HDAC4: variants seen among roughly 807,000 people sequenced by gnomAD.
HDAC4 encodes histone deacetylase 4.
A neutral mutation model predicts 135.1 loss-of-function variants in HDAC4; 16 were observed. That is an observed-to-expected ratio of 0.12 (90% CI 0.08 to 0.18). HDAC4 has a LOEUF of 0.18. Ranked by LOEUF, HDAC4 falls within the 10% of genes least tolerant of loss-of-function variation. The probability of loss-of-function intolerance (pLI) is 1.00; values close to 1 mark genes in which losing one functional copy is unlikely to be tolerated. For missense variants in HDAC4, 1,143 were observed against 1,511.8 expected (o/e 0.76, Z 4.05); for synonymous variants, 685 against 653.4 (o/e 1.05, Z -0.74).
chr2:239,178,943 G>A (rs746586357), intron 4 of HDAC4, among the ~76,000 whole-genome samples: 6 of 152,000 alleles, frequency 3.9e-5, no homozygotes, highest in South Asian at 4.2e-4. Flanking sequence ...GGCAGCCACC[G>A]GATGCCCGAG....
At chr2:239,377,759 G>T (rs1308191353) in intron 1 of HDAC4, among the ~76,000 whole-genome samples, 1 of 152,142 alleles carries the variant, frequency 6.6e-6, no homozygotes. Context: ...GGACCCTAGA[G>T]CACCTGCCAG....
chr2:239,354,730 G>T (rs1439856547), intron 1 of HDAC4, among the ~76,000 whole-genome samples: 1 of 151,656 alleles, frequency 6.6e-6, no homozygotes, highest in South Asian at 2.1e-4. Flanking sequence ...CATGACTGTT[G>T]TTCTGTATCT....
rs765619324 is a variant in HDAC4 at position 239,102,831 on chromosome 2, G to T, written c.2178C>A (p.Leu726=). 1 of 1,613,974 alleles carries T rather than the reference G, an allele frequency of 6.2e-7. No individual in the cohort carries two copies. ...GGTTGAGGGGGTTCGTGCCATACAG[G>T]AGGGTGTGGGCTTCCGAGTGCACCG... The part of the protein sequence containing the change: ...LQTVHSEAHT[L]LYGTNPLNRQ... The change falls in exon 16 of 27, where the codon CTC becomes CTA. Residue 726 remains leucine, a synonymous_variant. Transcript: ENST00000543185.
chr2:239,322,753 G>A (rs577483721), intron 2 of HDAC4, among the ~76,000 whole-genome samples: 36 of 152,108 alleles, frequency 2.4e-4, no homozygotes, highest in Non-Finnish European at 4.4e-4. Context: ...TCTTCATCCT[G>A]CCCGGGTGTG....
chr2:239,279,961 G>A (rs930433219), intron 2 of HDAC4, among the ~76,000 whole-genome samples: 1 of 152,148 alleles, frequency 6.6e-6, no homozygotes, highest in Non-Finnish European at 1.5e-5. Context: ...GTGGTCCACA[G>A]AAAGTGCGGA....
chr2:239,208,611 A>G (rs2046196575), intron 3 of HDAC4, among the ~76,000 whole-genome samples: 1 of 152,034 alleles, frequency 6.6e-6, no homozygotes. Context: ...AGGGAACACA[A>G]CTCCTGATCC....
At chr2:239,290,782 G>A (rs529481701) in intron 2 of HDAC4, among the ~76,000 whole-genome samples, 2 of 152,322 alleles carry the variant, frequency 1.3e-5, no homozygotes, top group South Asian at 4.1e-4. Context: ...CCCGTGTTTA[G>A]TGTGTTTCTA....
chr2:239,231,688 A>G lies in HDAC4; in HGVS notation c.94+4905T>C, dbSNP rs1323401455. Reference sequence around the variant, plus strand: ...GAGGCTGCTGAGCACCTGCTCCCGGATGCCTGAGGTAGGCGTCCTCCCCAA... The same window carrying G: ...GAGGCTGCTGAGCACCTGCTCCCGGGTGCCTGAGGTAGGCGTCCTCCCCAA... On this transcript the variant is annotated intron_variant, in intron 3 of 26. Coordinates refer to ENST00000543185, the MANE Select transcript of HDAC4 (RefSeq NM_001378414.1). 4.1e-5 allele frequency among the ~76,000 whole-genome samples: 2 copies of G among 48,708 alleles called. 1 individual carries two copies. Among genetic ancestry groups the G allele is most frequent in the African/African-American group, 1.3e-4 (2 of 15,310 alleles). The allele number at this position is 48,708 out of a possible 152,430, so 32.0% of individuals were successfully genotyped here.
chr2:239,258,013 T>C (rs1052652493), intron 2 of HDAC4, among the ~76,000 whole-genome samples: 2 of 152,134 alleles, frequency 1.3e-5, no homozygotes, highest in African/African-American at 2.4e-5. Context: ...ATAAAAGAGT[T>C]GAATGCAATT....
intron 3 of HDAC4, among the ~76,000 whole-genome samples, chr2:239,210,719 G>A (rs568109101): frequency 6.6e-6 from 1 of 152,274 alleles, no homozygotes; most frequent in South Asian, 2.1e-4. Context: ...CAGAGTGACG[G>A]CACAAAATCC....
chr2:239,178,736 C>T (rs1049511085), intron 4 of HDAC4, among the ~76,000 whole-genome samples: 8 of 152,076 alleles, frequency 5.3e-5, no homozygotes, highest in South Asian at 2.1e-4. Context: ...GAAGAGGGGA[C>T]GGTGAGAGGG....
chr2:239,297,682 CG>C (rs1180175269), intron 2 of HDAC4, among the ~76,000 whole-genome samples: 1 of 152,188 alleles, frequency 6.6e-6, no homozygotes, highest in Admixed American at 6.5e-5. Context: ...GGACTTGCCT[CG>C]GGATTGCACC....
At chr2:239,189,519 T>C (rs1353742673) in intron 4 of HDAC4, among the ~76,000 whole-genome samples, 1 of 152,246 alleles carries the variant, frequency 6.6e-6, no homozygotes, top group African/African-American at 2.4e-5. Context: ...TGGTGCTTCT[T>C]CCCTTTGGTA....
At chr2:239,282,538 ACT>A (rs975302756) in intron 2 of HDAC4, among the ~76,000 whole-genome samples, 1 of 135,330 alleles carries the variant, frequency 7.4e-6, no homozygotes, top group African/African-American at 2.8e-5. Context: ...TGTACACACC[ACT>A]CTCAATGTAC....
chr2:239,105,424 C>T (rs375179898), intron 15 of HDAC4, among the ~76,000 whole-genome samples: 4 of 152,194 alleles, frequency 2.6e-5, no homozygotes, highest in Admixed American at 2.0e-4. Context: ...AGAGGACCCC[C>T]GACTGCTCAG....
At chr2:239,145,216 T>C (rs2041673995) in intron 7 of HDAC4, among the ~76,000 whole-genome samples, 1 of 152,208 alleles carries the variant, frequency 6.6e-6, no homozygotes, top group South Asian at 2.1e-4. Context: ...CGTTGCACAC[T>C]TTCTTGCTCG....
intron 1 of HDAC4, among the ~76,000 whole-genome samples, chr2:239,369,511 ATTG>A (rs1182227110): frequency 1.3e-5 from 2 of 152,182 alleles, no homozygotes; most frequent in Non-Finnish European, 2.9e-5. Context: ...AAGTTTATTT[ATTG>A]TTGCAATTGT....
At chr2:239,095,121 T>C in intron 16 of HDAC4, 65 bp from the exon 17 acceptor site, 1 of 1,578,478 alleles carries the variant, frequency 6.3e-7, no homozygotes, top group Non-Finnish European at 8.7e-7. Context: ...CGACAGGCCC[T>C]GGGCGCACTC....
chr2:239,061,868 A>AT (rs1364758507), intron 24 of HDAC4, among the ~76,000 whole-genome samples: 1 of 152,232 alleles, frequency 6.6e-6, no homozygotes, highest in Non-Finnish European at 1.5e-5. Flanking sequence ...AGATGGTGGC[A>AT]TTTTAACCCT....
Sources: gnomAD v4.1 joint callset for allele counts (sites outside exome capture counted in the v4.1 genomes callset) on GRCh38, gnomAD v4.1.1 for gene constraint, MANE v1.5 for transcripts, NCBI Gene and HGNC (gene_info 2026-07-23, HGNC 2026-07-21) for gene names.